The following RBM15 variants were observed in gnomAD, a reference collection of about 807,000 sequenced individuals.
The protein encoded by RBM15 is RNA binding motif protein 15, also known as RNA-binding protein 15.
In RBM15, 8 loss-of-function variants were observed where a neutral mutation model predicts 62.6. That is an observed-to-expected ratio of 0.13 (90% CI 0.07 to 0.23). The LOEUF is 0.23. RBM15 is among the 10% of genes least tolerant of loss of function. The pLI, the probability that RBM15 is intolerant of heterozygous loss-of-function variation, is 1.00. For synonymous variants in RBM15, 606 were observed against 505.7 expected (o/e 1.20, Z -2.66); for missense variants, 1,144 against 1,286.5 (o/e 0.89, Z 1.69).
chr1:110,342,240 A>T lies in RBM15; in HGVS notation c.2835A>T (p.Glu945Asp), dbSNP rs1276205454. Residue 945 changes from glutamate to aspartate, a missense_variant, in exon 1 of 3, where the codon GAA (glutamate) becomes GAT (aspartate). This residue lies in a region of RBM15 where 144 missense variants were observed against 223.3 expected (regional missense o/e 0.64). Coordinates refer to ENST00000369784, the MANE Select transcript of RBM15 (RefSeq NM_022768.5). ...SPAKALAKSE[E>D]DYLVMIIVRG... ...CCAAGGCACTGGCCAAATCTGAAGA[A>T]GATTACCTGGTCATGATCATTGTCC... The T allele has an allele frequency of 1.2e-6, 2 of 1,600,700 alleles. No individual in the cohort carries two copies. Among genetic ancestry groups the T allele is most frequent in the East Asian group, 2.2e-5 (1 of 44,738 alleles).
rs149036076 is a variant in RBM15, at chr1:110,339,467, C to T, written c.62C>T (p.Pro21Leu). Reference protein sequence around the residue: ...RRSPRWRRAVPLCETSAGRRV... With the variant: ...RRSPRWRRAVLLCETSAGRRV... ...AGTCCAAGATGGCGGCGTGCGGTTC[C>T]GCTGTGTGAAACGAGCGCGGGGCGG... The change falls in exon 1 of 3, where the codon CCG (proline) becomes CTG (leucine). Residue 21 changes from proline (P) to leucine (L), a missense_variant. By Grantham distance (98) the Pro-to-Leu change is moderately conservative (BLOSUM62 -3). Coordinates refer to ENST00000369784, the MANE Select transcript of RBM15 (RefSeq NM_022768.5). The T allele has an allele frequency of 1.9e-6, 3 of 1,560,852 alleles. No individual in the cohort carries two copies. The highest frequency in any genetic ancestry group is 2.3e-5 in the East Asian group (1 of 44,240).
chr1:110,341,410 CCTT>C lies in RBM15; in HGVS notation c.2008_2010del (p.Ser670del), dbSNP rs757580901. 8 of 1,614,040 alleles carry C rather than the reference CCTT, an allele frequency of 5.0e-6. No homozygotes were observed. Among genetic ancestry groups the C allele is most frequent in the Admixed American group, 3.3e-5 (2 of 60,012 alleles). On this transcript the variant is annotated inframe_deletion, in exon 1 of 3. Coordinates refer to ENST00000369784, the MANE Select transcript of RBM15 (RefSeq NM_022768.5). The surrounding 1 kb of genome is among the most constrained non-coding windows in gnomAD (Gnocchi z 4.5). ...CCGCCCACGAAAACGTCACTGCGCT[CCTT>C]CTCCTGACCGCAGTCCAGAATTGAG...
chr1:110,341,672 C>T lies in RBM15; in HGVS notation c.2267C>T (p.Thr756Ile). Residue 756 changes from threonine to isoleucine, a missense_variant, in exon 1 of 3, where the codon ACC (threonine) becomes ATC (isoleucine). Physicochemically the swap from Thr to Ile is moderately conservative, Grantham distance 89. Transcript: ENST00000369784. This position sits in a 1 kb window ranked among gnomAD's most constrained non-coding sequence, Gnocchi z 4.5. ...CGCTCTGATGGGAGTGCACCTAGCACCAGCACTGCTTCCTCCAAGCTGAAG... is the reference window on the plus strand; with the variant it reads ...CGCTCTGATGGGAGTGCACCTAGCATCAGCACTGCTTCCTCCAAGCTGAAG... ...EDRSDGSAPS[T>I]STASSKLKSP... 4 of 1,614,160 alleles carry T rather than the reference C, an allele frequency of 2.5e-6. No individual in the cohort carries two copies. In the South Asian group the frequency reaches 3.3e-5, roughly 13 times the overall value.
chr1:110,340,092 G>C lies in RBM15; in HGVS notation c.687G>C (p.Arg229=). Residue 229 remains arginine (R), a synonymous_variant, in exon 1 of 3, where the codon CGG becomes CGC. Coordinates refer to ENST00000369784, the MANE Select transcript of RBM15 (RefSeq NM_022768.5). This position sits in a 1 kb window ranked among gnomAD's most constrained non-coding sequence, Gnocchi z 5.8. ...ACTTCCGGCGGCCAGAGGACGCGCGGGCGGCCAAGCATGCCAGAGGCCGCC... is the reference window on the plus strand; with the variant it reads ...ACTTCCGGCGGCCAGAGGACGCGCGCGCGGCCAAGCATGCCAGAGGCCGCC... ...FVNFRRPEDA[R]AAKHARGRLV... 4 of 1,613,904 alleles carry C rather than the reference G, an allele frequency of 2.5e-6. No individual in the cohort carries two copies. Among genetic ancestry groups the C allele is most frequent in the Non-Finnish European group, 3.4e-6 (4 of 1,180,004 alleles).
chr1:110,340,510 G>A lies in RBM15; in HGVS notation c.1105G>A (p.Asp369Asn). The A allele has an allele frequency of 6.2e-7, 1 of 1,613,962 alleles. No individual in the cohort carries two copies. Among genetic ancestry groups the A allele is most frequent in the Non-Finnish European group, 8.5e-7 (1 of 1,179,990 alleles). ...REVDEISPED[D>N]QRANRTLFLG... ...AGTGGATGAGATTTCACCCGAGGAT[G>A]ATCAGCGAGCTAACCGGACGCTCTT... The change falls in exon 1 of 3, where the codon GAT becomes AAT. Residue 369 changes from aspartate to asparagine, a missense_variant. Around this residue, in one of 8 missense-constraint regions of RBM15, gnomAD observed 33 missense variants for 39.6 expected, o/e 0.83. Coordinates refer to ENST00000369784, the MANE Select transcript of RBM15 (RefSeq NM_022768.5). The surrounding 1 kb of genome is among the most constrained non-coding windows in gnomAD (Gnocchi z 5.8).
chr1:110,344,542 A>T (rs1390792165), intron 1 of RBM15, among the ~76,000 whole-genome samples: 1 of 152,166 alleles, frequency 6.6e-6, no homozygotes, highest in Non-Finnish European at 1.5e-5. Context: ...TTTTTGAAAC[A>T]ATGGCTTGAT....
In RBM15 at chr1:110,340,853, C is replaced by G; in HGVS notation, c.1448C>G (p.Thr483Ser). Reference sequence around the variant, plus strand: ...TTTGATCGATTTGGCACCATACGCACCATAGACTACCGAAAAGGTGATAGT... The same window carrying G: ...TTTGATCGATTTGGCACCATACGCAGCATAGACTACCGAAAAGGTGATAGT... ...REFDRFGTIR[T>S]IDYRKGDSWA... Residue 483 changes from threonine to serine, a missense_variant, in exon 1 of 3, where the codon ACC becomes AGC. This residue lies in a region of RBM15 where 105 missense variants were observed against 193.6 expected (regional missense o/e 0.54). Coordinates refer to ENST00000369784, the MANE Select transcript of RBM15 (RefSeq NM_022768.5). The surrounding 1 kb of genome is among the most constrained non-coding windows in gnomAD (Gnocchi z 5.8). The G allele has an allele frequency of 6.2e-7, 1 of 1,614,220 alleles. No individual in the cohort carries two copies. The highest frequency in any genetic ancestry group is 8.5e-7 in the Non-Finnish European group (1 of 1,180,048).
Position 110,339,836 on chromosome 1 carries a change from C to T in RBM15, c.431C>T (p.Ser144Phe). ...SSGGGESRSS[S>F]RGGGGESRSS... is the part of the protein sequence containing the mutation. ...GGCGGGGGCGAATCGCGCAGCAGCTCCCGGGGTGGAGGCGGGGAGTCACGT... is the reference window on the plus strand; with the variant it reads ...GGCGGGGGCGAATCGCGCAGCAGCTTCCGGGGTGGAGGCGGGGAGTCACGT... Residue 144 changes from serine to phenylalanine, a missense_variant, in exon 1 of 3, where the codon TCC (serine) becomes TTC (phenylalanine). By Grantham distance (155) the Ser-to-Phe change is radical. Transcript: ENST00000369784. 2 of 1,600,138 alleles carry T rather than the reference C, an allele frequency of 1.2e-6. No individual in the cohort carries two copies. The highest frequency in any genetic ancestry group is 1.7e-6 in the Non-Finnish European group (2 of 1,169,938).
At chr1:110,342,790 A>T (rs1351035113) in intron 1 of RBM15, 1 of 152,772 alleles carries the variant, frequency 6.5e-6, no homozygotes, top group Non-Finnish European at 1.5e-5. Context: ...ATTGTATAGC[A>T]ATGTAATTAT....
At position 110,341,799 on chromosome 1, in the gene RBM15, C is replaced by G. The variant is rs1288065013; in HGVS notation, c.2394C>G (p.Asn798Lys). ...WQGMLLLKNS[N>K]FPSNMHLLQG... is the part of the protein sequence containing the mutation. ...GCATGCTTCTACTGAAGAACAGCAA[C>G]TTTCCTTCCAACATGCATCTGTTGC... The change falls in exon 1 of 3, where the codon AAC (asparagine) becomes AAG (lysine). Residue 798 changes from asparagine to lysine, a missense_variant. Physicochemically the swap from Asn to Lys is moderately conservative, Grantham distance 94 (BLOSUM62 0). Transcript: ENST00000369784. The surrounding 1 kb of genome is among the most constrained non-coding windows in gnomAD (Gnocchi z 4.5). 1 of 1,614,236 alleles carries G rather than the reference C, an allele frequency of 6.2e-7. No individual in the cohort carries two copies. The highest frequency in any genetic ancestry group is 1.1e-5 in the South Asian group (1 of 91,088).
rs1156912829 is a variant in RBM15 at position 110,340,653 on chromosome 1, C to T, written c.1248C>T (p.Tyr416=). The T allele has an allele frequency of 2.5e-6, 4 of 1,614,198 alleles. No individual in the cohort carries two copies. The highest frequency in any genetic ancestry group is 1.3e-5 in the African/African-American group (1 of 75,048). The change falls in exon 1 of 3, where the codon TAC becomes TAT. Residue 416 remains tyrosine, a synonymous_variant. Transcript: ENST00000369784. The surrounding 1 kb of genome is among the most constrained non-coding windows in gnomAD (Gnocchi z 5.8). ...CTTCTCGCGGCCAGACTAGTACTTA[C>T]GGCTTTCTCAAATTTGAGAACTTAG... The part of the protein sequence containing the change: ...KRPSRGQTST[Y]GFLKFENLDM...
In RBM15 at chr1:110,346,058, T is replaced by C. The variant is rs1660891831; in HGVS notation, c.*41-250T>C. On this transcript the variant is annotated intron_variant, in intron 2 of 2. Coordinates refer to ENST00000369784, the MANE Select transcript of RBM15 (RefSeq NM_022768.5). ...ATGAGTTAAAGGATATTTTCAGTCC[T>C]GTTATCTTCAATTGCAGTCTTTAAA... is the stretch of plus-strand genomic sequence containing the variant. Among the ~76,000 whole-genome samples, 5 of 152,314 alleles carry C rather than the reference T, an allele frequency of 3.3e-5. No individual in the cohort carries two copies. In the South Asian group the frequency reaches 1.0e-3, roughly 32 times the overall value.
chr1:110,343,399 A>G (rs549452069), intron 1 of RBM15, among the ~76,000 whole-genome samples: 2 of 152,326 alleles, frequency 1.3e-5, no homozygotes, highest in African/African-American at 4.8e-5. Context: ...TTTATGTTCA[A>G]TATTCTCACT....
intron 1 of RBM15, chr1:110,342,810 G>T (rs1292078401): frequency 1.3e-5 from 2 of 152,314 alleles, no homozygotes; most frequent in Non-Finnish European, 2.9e-5. Flanking sequence ...TTTTAATCAG[G>T]TATTTGAGTA....
rs773967513 is a variant in RBM15, at chr1:110,340,252, C to T, written c.847C>T (p.Pro283Ser). ...VGASVGGHRHPPGGGGGQRSL... is the reference protein window; with the variant it reads ...VGASVGGHRHSPGGGGGQRSL... The stretch of plus-strand genomic sequence containing the variant: ...GGCCTCTGTAGGTGGTCACCGGCAC[C>T]CCCCTGGAGGTGGTGGAGGCCAGAG... The change falls in exon 1 of 3, where the codon CCC (proline) becomes TCC (serine). Residue 283 changes from proline to serine, a missense_variant. Pro to Ser is a moderately conservative substitution (Grantham distance 74). Coordinates refer to ENST00000369784, the MANE Select transcript of RBM15 (RefSeq NM_022768.5). This position sits in a 1 kb window ranked among gnomAD's most constrained non-coding sequence, Gnocchi z 5.8. 1.9e-6 allele frequency: 3 copies of T among 1,614,172 alleles called. No homozygotes were observed. Among genetic ancestry groups the T allele is most frequent in the Non-Finnish European group, 2.5e-6 (3 of 1,180,022 alleles).
In RBM15 at chr1:110,341,778, G is replaced by T. The variant is rs767879552; in HGVS notation, c.2373G>T (p.Met791Ile). The change falls in exon 1 of 3, where the codon ATG becomes ATT. Residue 791 changes from methionine to isoleucine, a missense_variant. Transcript: ENST00000369784. The surrounding 1 kb of genome is among the most constrained non-coding windows in gnomAD (Gnocchi z 4.5). Reference protein sequence around the residue: ...SPKLCLAWQGMLLLKNSNFPS... With the variant: ...SPKLCLAWQGILLLKNSNFPS... The stretch of plus-strand genomic sequence containing the variant: ...AACTCTGTTTGGCCTGGCAGGGCAT[G>T]CTTCTACTGAAGAACAGCAACTTTC... The T allele has an allele frequency of 2.5e-6, 4 of 1,614,212 alleles. No homozygotes were observed. The highest frequency in any genetic ancestry group is 1.7e-4 in the Middle Eastern group (1 of 6,060).
At position 110,341,453 on chromosome 1, in the gene RBM15, G is replaced by A. The variant is rs1268294863; in HGVS notation, c.2048G>A (p.Arg683His). The change falls in exon 1 of 3, where the codon CGT becomes CAT. Residue 683 changes from arginine (R) to histidine (H), a missense_variant. Physicochemically the swap from Arg to His is conservative, Grantham distance 29. This residue lies in a region of RBM15 where 360 missense variants were observed against 342.9 expected (regional missense o/e 1.05). Transcript: ENST00000369784. This position sits in a 1 kb window ranked among gnomAD's most constrained non-coding sequence, Gnocchi z 4.5. Reference protein sequence around the residue: ...RSPELSSSRDRYNSDNDRSSR... With the variant: ...RSPELSSSRDHYNSDNDRSSR... Reference sequence around the variant, plus strand: ...CCAGAATTGAGCAGTAGCCGGGATCGTTACAACAGCGACAATGATCGATCT... The same window carrying A: ...CCAGAATTGAGCAGTAGCCGGGATCATTACAACAGCGACAATGATCGATCT... 1.2e-6 allele frequency: 2 copies of A among 1,614,000 alleles called. No homozygotes were observed. The highest frequency in any genetic ancestry group is 1.7e-6 in the Non-Finnish European group (2 of 1,180,026).
At position 110,339,463 on chromosome 1, in the gene RBM15, G is replaced by C; in HGVS notation, c.58G>C (p.Val20Leu). The C allele has an allele frequency of 6.4e-7, 1 of 1,557,528 alleles. No homozygotes were observed. The highest frequency in any genetic ancestry group is 1.2e-5 in the South Asian group (1 of 82,822). ...PRRSPRWRRA[V>L]PLCETSAGRR... The stretch of plus-strand genomic sequence containing the variant: ...GCGGAGTCCAAGATGGCGGCGTGCG[G>C]TTCCGCTGTGTGAAACGAGCGCGGG... The change falls in exon 1 of 3, where the codon GTT becomes CTT. Residue 20 changes from valine (V) to leucine (L), a missense_variant. Val to Leu is a conservative substitution (Grantham distance 32). Coordinates refer to ENST00000369784, the MANE Select transcript of RBM15 (RefSeq NM_022768.5).
Position 110,340,343 on chromosome 1 carries a change from G to T in RBM15, c.938G>T (p.Gly313Val). ...TACCGGCTGCAGCAGTTGGCTCTTG[G>T]CCGCCTGCCCCCTCCACCTCCGCCA... Reference protein sequence around the residue: ...RDYRLQQLALGRLPPPPPPPL... With the variant: ...RDYRLQQLALVRLPPPPPPPL... The change falls in exon 1 of 3, where the codon GGC becomes GTC. Residue 313 changes from glycine to valine, a missense_variant. Physicochemically the swap from Gly to Val is moderately radical, Grantham distance 109 (BLOSUM62 -3). Around this residue, in one of 8 missense-constraint regions of RBM15, gnomAD observed 188 missense variants for 185.6 expected, o/e 1.01. Transcript: ENST00000369784. This position sits in a 1 kb window ranked among gnomAD's most constrained non-coding sequence, Gnocchi z 5.8. The T allele has an allele frequency of 6.2e-7, 1 of 1,614,190 alleles. No individual in the cohort carries two copies. The highest frequency in any genetic ancestry group is 8.5e-7 in the Non-Finnish European group (1 of 1,180,040).
Sources: allele counts gnomAD v4.1 joint callset (sites outside exome capture counted in the v4.1 genomes callset), GRCh38; gene constraint gnomAD v4.1.1; regional missense constraint gnomAD v4.1.1; non-coding constraint Gnocchi (gnomAD v3.1); transcripts MANE v1.5; gene names NCBI Gene and HGNC (gene_info 2026-07-23, HGNC 2026-07-21).